Variants in C2CD3 observed in about 807,000 individuals in gnomAD.
The protein encoded by C2CD3 is C2 domain-containing protein 3.
A neutral mutation model predicts 234.0 loss-of-function variants in C2CD3; 148 were observed. That is an observed-to-expected ratio of 0.63 (90% CI 0.55 to 0.72). The LOEUF is 0.72. C2CD3 is among the 30% of genes least tolerant of loss of function. The probability of loss-of-function intolerance (pLI) is 0.00; values close to 1 mark genes in which losing one functional copy is unlikely to be tolerated. For synonymous variants in C2CD3, 1,000 were observed against 1,035.4 expected (o/e 0.97, Z 0.66); for missense variants, 2,577 against 2,811.5 (o/e 0.92, Z 1.89).
In C2CD3 at chr11:74,097,994, C is replaced by G. The variant is rs1189819698; in HGVS notation, c.2979+15G>C. ...AATGAAATAATGACTTTTTGTAAAC[C>G]ATAGCGTTTATTACCATAGCAACAG... On this transcript the variant is annotated intron_variant, in intron 16 of 32. Coordinates refer to ENST00000334126, the MANE Select transcript of C2CD3 (RefSeq NM_001286577.2). The G allele has an allele frequency of 1.7e-5, 27 of 1,609,284 alleles. No individual in the cohort carries two copies. The highest frequency in any genetic ancestry group is 2.1e-5 in the Non-Finnish European group (25 of 1,178,168).
Position 74,028,285 on chromosome 11 carries a change from A to T in C2CD3, c.6921+2T>A. The T allele has an allele frequency of 6.5e-7, 1 of 1,533,090 alleles. No individual in the cohort carries two copies. Among genetic ancestry groups the T allele is most frequent in the Non-Finnish European group, 8.7e-7 (1 of 1,144,102 alleles). The allele number at this position is 1,533,090 out of a possible 1,614,324, so 95.0% of individuals were successfully genotyped here. A position where few individuals can be genotyped will look rare whatever the true frequency, so the allele number is the denominator to read the frequency against. ...AGAAAGGTCAGTTGGCCATTCTCTT[A>T]CCTGATCTGTTGTGGCTGCTGGTGG... On this transcript the variant is annotated splice_donor_variant, in intron 32 of 32. Transcript: ENST00000334126. LOFTEE classifies it high-confidence loss of function.
chr11:74,077,188 T>C (rs1021258306), intron 23 of C2CD3, among the ~76,000 whole-genome samples: 13 of 152,074 alleles, frequency 8.5e-5, no homozygotes, highest in Non-Finnish European at 1.8e-4. Context: ...TAGGTATGCT[T>C]TTCCATATAA....
At chr11:74,048,808 C>G (rs1953518761) in intron 27 of C2CD3, among the ~76,000 whole-genome samples, 1 of 152,096 alleles carries the variant, frequency 6.6e-6, no homozygotes, top group African/African-American at 2.4e-5. Context: ...AGACCCTGGG[C>G]CAGGCACGAG....
At chr11:74,091,180 T>C (rs959864795) in intron 19 of C2CD3, 15 of 384,488 alleles carry the variant, frequency 3.9e-5, no homozygotes, top group African/African-American at 2.7e-4. Context: ...CTTGCCAAGA[T>C]TACACAACTA....
chr11:74,161,126 T>C (rs1856428096), intron 3 of C2CD3, among the ~76,000 whole-genome samples: 1 of 152,206 alleles, frequency 6.6e-6, no homozygotes, highest in African/African-American at 2.4e-5. Flanking sequence ...GATTAATTAA[T>C]GCTTTTATGA....
At position 74,054,593 on chromosome 11, in the gene C2CD3, A is replaced by C. The variant is rs778363996; in HGVS notation, c.5155+14T>G. The C allele has an allele frequency of 6.5e-7, 1 of 1,534,064 alleles. No homozygotes were observed. The highest frequency in any genetic ancestry group is 2.3e-5 in the East Asian group (1 of 44,180). On this transcript the variant is annotated intron_variant, in intron 26 of 32. Transcript: ENST00000334126. ...TTTACAAGCAAGCAGATATTCTTTT[A>C]ACAGAGTTCATACCTCCTTTATGCC...
Position 74,034,074 on chromosome 11 carries a change from T to C in C2CD3, c.6086A>G (p.Asn2029Ser). 1 of 1,536,302 alleles carries C rather than the reference T, an allele frequency of 6.5e-7. No homozygotes were observed. Among genetic ancestry groups the C allele is most frequent in the Non-Finnish European group, 8.7e-7 (1 of 1,146,946 alleles). The change falls in exon 31 of 33, where the codon AAT becomes AGT. Residue 2029 changes from asparagine to serine, a missense_variant. Physicochemically the swap from Asn to Ser is conservative, Grantham distance 46 (BLOSUM62 1). Transcript: ENST00000334126. ...PSPPPLEETS[N>S]GGRMLHESLR... ...GGACTCATGGAGCATTCTTCCTCCATTTGAAGTCTCTTCGAGAGGAGGGGG... is the reference window on the plus strand; with the variant it reads ...GGACTCATGGAGCATTCTTCCTCCACTTGAAGTCTCTTCGAGAGGAGGGGG...
intron 28 of C2CD3, among the ~76,000 whole-genome samples, chr11:74,043,406 C>T (rs1953172636): frequency 6.6e-6 from 1 of 152,178 alleles, no homozygotes; most frequent in Admixed American, 6.5e-5. Context: ...GCATGAGTTG[C>T]TTCTACTTTT....
In C2CD3 at chr11:74,040,392, C is replaced by A. The variant is rs1952976240; in HGVS notation, c.5660+1662G>T. On this transcript the variant is annotated intron_variant, in intron 29 of 32. Coordinates refer to ENST00000334126, the MANE Select transcript of C2CD3 (RefSeq NM_001286577.2). The stretch of plus-strand genomic sequence containing the variant: ...CACTATTGATCAATTTTTAACTTGT[C>A]TCATTAACCAAAAAGATTTTGTTGA... Among the ~76,000 whole-genome samples the A allele has an allele frequency of 2.0e-5, 3 of 152,100 alleles. No individual in the cohort carries two copies. In the East Asian group the frequency reaches 5.8e-4, roughly 29 times the overall value.
chr11:74,106,410 C>T lies in C2CD3; in HGVS notation c.2046G>A (p.Val682=), dbSNP rs1565300611. Residue 682 remains valine, a synonymous_variant, in exon 13 of 33, where the codon GTG becomes GTA. Transcript: ENST00000334126. ...ATGGAGACTGACCATTTTCTTGTTGCACTGGAAGCTGATCACTGAAAGAAA... is the reference window on the plus strand; with the variant it reads ...ATGGAGACTGACCATTTTCTTGTTGTACTGGAAGCTGATCACTGAAAGAAA... ...ELLSFSDQLP[V]QQENGQSPFG... is the part of the protein sequence containing the mutation. 2 of 1,614,088 alleles carry T rather than the reference C, an allele frequency of 1.2e-6. No homozygotes were observed. Among genetic ancestry groups the T allele is most frequent in the East Asian group, 4.5e-5 (2 of 44,874 alleles).
At position 74,078,632 on chromosome 11, in the gene C2CD3, A is replaced by G; in HGVS notation, c.4086T>C (p.Gly1362=). 3.1e-6 allele frequency: 5 copies of G among 1,614,138 alleles called. No homozygotes were observed. Among genetic ancestry groups the G allele is most frequent in the East Asian group, 2.2e-5 (1 of 44,882 alleles). Residue 1362 remains glycine (G), a synonymous_variant, in exon 23 of 33, where the codon GGT becomes GGC. Transcript: ENST00000334126. ...GLELMQKIVG[G]LELSISFTHR... ...GCGTGAAGGAAATCGAAAGCTCCAG[A>G]CCACCCACGATCTTCTGCATGAGCT...
intron 24 of C2CD3, among the ~76,000 whole-genome samples, chr11:74,059,776 G>A (rs1341477023): frequency 6.6e-6 from 1 of 152,178 alleles, no homozygotes; most frequent in Non-Finnish European, 1.5e-5. Flanking sequence ...CATCTCACCG[G>A]GGCTTATCAG....
intron 24 of C2CD3, among the ~76,000 whole-genome samples, chr11:74,062,138 T>A (rs1399085074): frequency 1.3e-5 from 2 of 151,972 alleles, no homozygotes; most frequent in Non-Finnish European, 2.9e-5. Context: ...TCCTTAGAGA[T>A]CTACAAAGAG....
At chr11:74,130,971 G>T (rs941182184) in intron 7 of C2CD3, among the ~76,000 whole-genome samples, 2 of 151,500 alleles carry the variant, frequency 1.3e-5, no homozygotes, top group East Asian at 2.0e-4. Flanking sequence ...TATAGTTTTT[G>T]ATTTTTTATT....
chr11:74,071,669 T>A (rs1359755555), intron 24 of C2CD3, among the ~76,000 whole-genome samples: 14 of 152,210 alleles, frequency 9.2e-5, no homozygotes, highest in Admixed American at 9.2e-4. Flanking sequence ...CAAGAGGTAT[T>A]TCAGATTTTG....
intron 15 of C2CD3, among the ~76,000 whole-genome samples, chr11:74,100,171 T>C (rs921538363): frequency 1.3e-5 from 2 of 152,222 alleles, no homozygotes; most frequent in Non-Finnish European, 2.9e-5. Flanking sequence ...AGCCATGCTA[T>C]CTTGGGTCCT....
chr11:74,156,488 A>G (rs545136396), intron 3 of C2CD3, among the ~76,000 whole-genome samples: 1 of 148,548 alleles, frequency 6.7e-6, no homozygotes, highest in East Asian at 2.0e-4. Context: ...AAAAAAGGTG[A>G]ATTTTATGGT....
chr11:74,168,267 A>T, intron 2 of C2CD3, 77 bp downstream of exon 2: 1 of 1,231,704 alleles, frequency 8.1e-7, no homozygotes, highest in Non-Finnish European at 1.2e-6. Flanking sequence ...CTAGGTACAC[A>T]ACAACACTTA....
intron 23 of C2CD3, among the ~76,000 whole-genome samples, chr11:74,076,061 C>T (rs905240455): frequency 1.3e-5 from 2 of 152,204 alleles, no homozygotes; most frequent in African/African-American, 4.8e-5. Context: ...CCTAAACCTA[C>T]TTTCTTCAGC....
Sources: gnomAD v4.1 joint callset for allele counts (sites outside exome capture counted in the v4.1 genomes callset) on GRCh38, gnomAD v4.1.1 for gene constraint, MANE v1.5 for transcripts, NCBI Gene and HGNC (gene_info 2026-07-23, HGNC 2026-07-21) for gene names.